Variants in KCNH5 observed in about 807,000 individuals in gnomAD.
KCNH5 encodes the protein potassium voltage-gated channel subfamily H member 5, also known as voltage-gated delayed rectifier potassium channel KCNH5.
A neutral mutation model predicts 96.1 loss-of-function variants in KCNH5; 46 were observed. That is an observed-to-expected ratio of 0.48 (90% CI 0.38 to 0.61). The LOEUF is 0.61. Among genes scored for constraint, KCNH5 ranks in the 20% least tolerant of loss-of-function variants. KCNH5 has a pLI of 0.00. For missense variants in KCNH5, 907 were observed against 1,225.8 expected (o/e 0.74, Z 3.88); for synonymous variants, 439 against 449.8 (o/e 0.98, Z 0.30).
At chr14:62,784,554 C>T (rs1010327642) in intron 9 of KCNH5, among the ~76,000 whole-genome samples, 1 of 152,090 alleles carries the variant, frequency 6.6e-6, no homozygotes, top group Non-Finnish European at 1.5e-5. Context: ...AACAGCAAAC[C>T]ATTTTCACCG....
intron 6 of KCNH5, among the ~76,000 whole-genome samples, chr14:62,951,207 C>G (rs1267014337): frequency 6.6e-6 from 1 of 152,120 alleles, no homozygotes; most frequent in Non-Finnish European, 1.5e-5. Context: ...TATCCATTCT[C>G]TAGCAAAAGT....
rs1474127063 is a variant in KCNH5 at position 62,927,886 on chromosome 14, C to T, written c.1369+22247G>A. 2.0e-5 allele frequency among the ~76,000 whole-genome samples: 3 copies of T among 151,976 alleles called. No homozygotes were observed. In the East Asian group the frequency reaches 5.8e-4, roughly 29 times the overall value. ...TGTTAAGATAGTAAAATTTATGTTA[C>T]ATATATTTTACTGCAATTTAAAAAT... On this transcript the variant is annotated intron_variant, in intron 7 of 10. Transcript: ENST00000322893.
At chr14:62,973,949 T>C (rs1391507948) in intron 6 of KCNH5, among the ~76,000 whole-genome samples, 1 of 152,210 alleles carries the variant, frequency 6.6e-6, no homozygotes. Flanking sequence ...TTAGCCTTCC[T>C]GATTTCCTGT....
chr14:63,014,916 A>T (rs1891297340), intron 2 of KCNH5, among the ~76,000 whole-genome samples: 1 of 152,102 alleles, frequency 6.6e-6, no homozygotes, highest in Non-Finnish European at 1.5e-5. Flanking sequence ...GTTCCACAGG[A>T]TAACGTCTAC....
In KCNH5 at chr14:62,704,193, C is replaced by T. The variant is rs1884389573; in HGVS notation, c.*3315G>A. The T allele has an allele frequency of 6.6e-6, 1 of 151,796 alleles. No individual in the cohort carries two copies. Among genetic ancestry groups the T allele is most frequent in the African/African-American group, 2.4e-5 (1 of 41,388 alleles). 9.4% of individuals were successfully genotyped at this position (151,796 alleles called of 1,614,324 possible). A position where few individuals can be genotyped will look rare whatever the true frequency, so the allele number is the denominator to read the frequency against. ...GAGCAATTTCAAACCCCAGATTTTCCATTTTTTTCTCTGATATACATAAAG... is the reference window on the plus strand; with the variant it reads ...GAGCAATTTCAAACCCCAGATTTTCTATTTTTTTCTCTGATATACATAAAG... On this transcript the variant is annotated 3_prime_UTR_variant, in exon 11 of 11. Coordinates refer to ENST00000322893, the MANE Select transcript of KCNH5 (RefSeq NM_139318.5).
intron 1 of KCNH5, among the ~76,000 whole-genome samples, chr14:63,028,288 A>G (rs1445576013): frequency 6.6e-6 from 1 of 152,106 alleles, no homozygotes; most frequent in Non-Finnish European, 1.5e-5. Flanking sequence ...GGGTCCAGCT[A>G]TCACTACCCA....
chr14:63,028,575 T>G (rs181608636), intron 1 of KCNH5, among the ~76,000 whole-genome samples: 1 of 152,256 alleles, frequency 6.6e-6, no homozygotes, highest in Non-Finnish European at 1.5e-5. Context: ...ATTGCAAATT[T>G]AAACTCTTCC....
At chr14:62,929,118 C>A (rs1004313756) in intron 7 of KCNH5, among the ~76,000 whole-genome samples, 2 of 151,970 alleles carry the variant, frequency 1.3e-5, no homozygotes, top group African/African-American at 4.8e-5. Context: ...CCTCTGTTTT[C>A]CCCAAATTAT....
intron 7 of KCNH5, among the ~76,000 whole-genome samples, chr14:62,868,041 G>A (rs1209571289): frequency 6.6e-6 from 1 of 152,242 alleles, no homozygotes; most frequent in Non-Finnish European, 1.5e-5. Flanking sequence ...AGATCCGGCT[G>A]TTCTCTGTCA....
At chr14:62,866,183 A>G (rs764334496) in intron 7 of KCNH5, among the ~76,000 whole-genome samples, 13 of 152,184 alleles carry the variant, frequency 8.5e-5, no homozygotes, top group East Asian at 1.9e-4. Flanking sequence ...CCGAAAAGTA[A>G]CCTTAGTTAA....
At chr14:62,798,114 C>A (rs1886577335) in intron 9 of KCNH5, among the ~76,000 whole-genome samples, 1 of 152,124 alleles carries the variant, frequency 6.6e-6, no homozygotes. Context: ...TTATGTTATT[C>A]CTGGCCTCGT....
chr14:62,940,974 G>A (rs572139893), intron 7 of KCNH5, among the ~76,000 whole-genome samples: 1 of 152,288 alleles, frequency 6.6e-6, no homozygotes, highest in South Asian at 2.1e-4. Flanking sequence ...ATGAGACGAG[G>A]ATGAAGGCAG....
In KCNH5 at chr14:62,824,920, T is replaced by TA. The variant is rs1158755194; in HGVS notation, c.1570-22340dup. 3.3e-5 allele frequency among the ~76,000 whole-genome samples: 5 copies of TA among 152,082 alleles called. No individual in the cohort carries two copies. In the East Asian group the frequency reaches 9.6e-4, roughly 29 times the overall value. On this transcript the variant is annotated intron_variant, in intron 8 of 10. Coordinates refer to ENST00000322893, the MANE Select transcript of KCNH5 (RefSeq NM_139318.5). ...TAATGGCCTCCAGCTGCATCCATGT[T>TA]ACTGCAAAGGACACGATTTCATTGT...
At chr14:62,864,481 A>G (rs1888095884) in intron 7 of KCNH5, among the ~76,000 whole-genome samples, 1 of 152,134 alleles carries the variant, frequency 6.6e-6, no homozygotes, top group East Asian at 1.9e-4. Context: ...TAAAATGGAT[A>G]GTGAATTTTG....
intron 10 of KCNH5, among the ~76,000 whole-genome samples, chr14:62,746,568 C>T (rs1307768055): frequency 6.6e-6 from 1 of 152,240 alleles, no homozygotes; most frequent in Non-Finnish European, 1.5e-5. Flanking sequence ...GCCATCTATC[C>T]TGGAAAGAAT....
Position 63,030,609 on chromosome 14 carries a change from C to T in KCNH5, c.74-13655G>A, listed in dbSNP as rs117703349. The stretch of plus-strand genomic sequence containing the variant: ...GGGCCACCTAGGAGTTATTCATCCC[C>T]GTCCCCAAATGCCAAAGATTCTGTT... On this transcript the variant is annotated intron_variant, in intron 1 of 10. Transcript: ENST00000322893. Among the ~76,000 whole-genome samples, 875 of 152,192 alleles carry T rather than the reference C, an allele frequency of 5.7e-3. 29 individuals are homozygous for T. In the East Asian group the frequency reaches 0.09, roughly 16 times the overall value.
intron 8 of KCNH5, among the ~76,000 whole-genome samples, chr14:62,807,545 C>T (rs1886792009): frequency 6.6e-6 from 1 of 151,998 alleles, no homozygotes. Flanking sequence ...ATTAAGTTTG[C>T]TAAATGCTTT....
chr14:62,927,010 A>C (rs746332101), intron 7 of KCNH5, among the ~76,000 whole-genome samples: 12 of 152,134 alleles, frequency 7.9e-5, no homozygotes, highest in Non-Finnish European at 4.4e-5. Context: ...ATATAAACCC[A>C]ATAAAAGGCA....
At chr14:62,783,689 C>T (rs951148195) in intron 9 of KCNH5, among the ~76,000 whole-genome samples, 2 of 152,048 alleles carry the variant, frequency 1.3e-5, no homozygotes, top group African/African-American at 4.8e-5. Flanking sequence ...TTAATGATAA[C>T]CCTAGATTTT....
Sources: allele counts gnomAD v4.1 joint callset (sites outside exome capture counted in the v4.1 genomes callset), GRCh38; gene constraint gnomAD v4.1.1; transcripts MANE v1.5; gene names NCBI Gene and HGNC (gene_info 2026-07-23, HGNC 2026-07-21).